CADM2: variants seen among roughly 807,000 people sequenced by gnomAD.
CADM2 encodes immunoglobulin superfamily member 4D.
A neutral mutation model predicts 49.8 loss-of-function variants in CADM2; 12 were observed. That is an observed-to-expected ratio of 0.24 (90% CI 0.15 to 0.39). The LOEUF is 0.39. Ranked by LOEUF, CADM2 falls within the 10% of genes least tolerant of loss-of-function variation. The probability of loss-of-function intolerance (pLI) is 1.00; values close to 1 mark genes in which losing one functional copy is unlikely to be tolerated. For synonymous variants in CADM2, 214 were observed against 175.4 expected, an observed-to-expected ratio of 1.22 and a Z score of -1.74; for missense variants, 378 against 492.3, an observed-to-expected ratio of 0.77 and a Z score of 2.20.
chr3:85,494,203 TC>T (rs2107652486), intron 1 of CADM2, among the ~76,000 whole-genome samples: 1 of 152,320 alleles, frequency 6.6e-6, no homozygotes, highest in East Asian at 1.9e-4. Flanking sequence ...AGCTGTGCTT[TC>T]TTTTACGTTT....
chr3:85,299,114 T>G (rs2044034015), intron 1 of CADM2, among the ~76,000 whole-genome samples: 1 of 152,114 alleles, frequency 6.6e-6, no homozygotes, highest in Admixed American at 6.6e-5. Context: ...CTATCTCTTT[T>G]GCTTTATTGT....
chr3:85,662,480 T>G (rs2065439621), intron 1 of CADM2, among the ~76,000 whole-genome samples: 1 of 151,920 alleles, frequency 6.6e-6, no homozygotes, highest in Non-Finnish European at 1.5e-5. Flanking sequence ...AATAGAAAAC[T>G]TCTCAAACCA....
At chr3:85,867,635 T>C (rs1344964006) in intron 3 of CADM2, among the ~76,000 whole-genome samples, 1 of 140,150 alleles carries the variant, frequency 7.1e-6, no homozygotes, top group Non-Finnish European at 1.5e-5. Context: ...AAATCAAGCA[T>C]AGTGAATGTT....
At chr3:86,028,550 C>T (rs1367392363) in intron 8 of CADM2, among the ~76,000 whole-genome samples, 1 of 152,174 alleles carries the variant, frequency 6.6e-6, no homozygotes, top group Non-Finnish European at 1.5e-5. Context: ...CTTTTACACT[C>T]CTCTCTTTTA....
At chr3:86,056,051 TTA>T (rs1737949499) in intron 8 of CADM2, among the ~76,000 whole-genome samples, 1 of 152,218 alleles carries the variant, frequency 6.6e-6, no homozygotes, top group South Asian at 2.1e-4. Context: ...ATCCAAAAAC[TTA>T]TTTTATTTTC....
intron 1 of CADM2, among the ~76,000 whole-genome samples, chr3:85,149,243 G>A (rs973745485): frequency 5.9e-5 from 9 of 152,012 alleles, no homozygotes; most frequent in Non-Finnish European, 8.8e-5. Context: ...TAAGAGGTGA[G>A]ACTTTTAAGA....
chr3:85,240,836 T>C (rs538383217), intron 1 of CADM2, among the ~76,000 whole-genome samples: 2 of 151,696 alleles, frequency 1.3e-5, no homozygotes, highest in East Asian at 1.9e-4. Context: ...TCTTTAACTT[T>C]TTAAATTTTT....
chr3:85,670,490 G>A (rs2065704302), intron 1 of CADM2, among the ~76,000 whole-genome samples: 1 of 152,030 alleles, frequency 6.6e-6, no homozygotes, highest in South Asian at 2.1e-4. Flanking sequence ...GCATGTCAGT[G>A]TCACATTCTT....
intron 2 of CADM2, among the ~76,000 whole-genome samples, chr3:85,764,313 A>G (rs1011446915): frequency 1.4e-4 from 22 of 152,248 alleles, no homozygotes; most frequent in African/African-American, 5.1e-4. Flanking sequence ...ATGTGACTGA[A>G]TTATTCTGGC....
chr3:85,869,436 T>G (rs907982584), intron 3 of CADM2, among the ~76,000 whole-genome samples: 1 of 152,158 alleles, frequency 6.6e-6, no homozygotes, highest in Non-Finnish European at 1.5e-5. Context: ...TCCCTTTTGT[T>G]TTACAATTAA....
At chr3:85,727,268 A>T (rs764731729) in intron 2 of CADM2, among the ~76,000 whole-genome samples, 3 of 151,978 alleles carry the variant, frequency 2.0e-5, no homozygotes, top group Non-Finnish European at 2.9e-5. Context: ...AGCAAAAGAA[A>T]TTTTTTTCTC....
At chr3:85,005,675 T>C (rs1005943740) in intron 1 of CADM2, among the ~76,000 whole-genome samples, 51 of 151,936 alleles carry the variant, frequency 3.4e-4, no homozygotes, top group Non-Finnish European at 7.4e-5. Context: ...AAGAAGCAGA[T>C]GGTTCTAAGA....
chr3:85,119,966 C>T (rs942072948), intron 1 of CADM2, among the ~76,000 whole-genome samples: 1 of 152,128 alleles, frequency 6.6e-6, no homozygotes, highest in Non-Finnish European at 1.5e-5. Flanking sequence ...CCAGAATCTA[C>T]AATGAACTTA....
chr3:85,440,116 C>T (rs2037130737), intron 1 of CADM2, among the ~76,000 whole-genome samples: 1 of 152,090 alleles, frequency 6.6e-6, no homozygotes, highest in Admixed American at 6.5e-5. Flanking sequence ...TTCAGATGAG[C>T]TCCCTCTAAA....
intron 2 of CADM2, among the ~76,000 whole-genome samples, chr3:85,784,213 C>G (rs1240208297): frequency 6.6e-6 from 1 of 152,170 alleles, no homozygotes; most frequent in African/African-American, 2.4e-5. Flanking sequence ...TAATTCTATT[C>G]AATGCCCTTA....
chr3:85,572,244 G>C (rs1351670944), intron 1 of CADM2, among the ~76,000 whole-genome samples: 1 of 151,998 alleles, frequency 6.6e-6, no homozygotes, highest in Non-Finnish European at 1.5e-5. Context: ...TTGCAATTGT[G>C]CCACTGCTTT....
intron 1 of CADM2, among the ~76,000 whole-genome samples, chr3:85,479,412 T>C (rs1398304858): frequency 6.8e-6 from 1 of 147,752 alleles, no homozygotes; most frequent in Non-Finnish European, 1.5e-5. Context: ...GTAATTGTAT[T>C]ACATAAAATC....
intron 1 of CADM2, among the ~76,000 whole-genome samples, chr3:85,294,615 G>C (rs1486154597): frequency 1.3e-5 from 2 of 151,888 alleles, no homozygotes; most frequent in Non-Finnish European, 2.9e-5. Context: ...GAACAGAACA[G>C]AGCCCTCAGA....
At chr3:85,246,151 A>G (rs1292512905) in intron 1 of CADM2, among the ~76,000 whole-genome samples, 1 of 152,162 alleles carries the variant, frequency 6.6e-6, no homozygotes, top group Non-Finnish European at 1.5e-5. Flanking sequence ...TTGTAGGTAC[A>G]TAGATGAAGC....
Sources: allele counts gnomAD v4.1 joint callset (sites outside exome capture counted in the v4.1 genomes callset), GRCh38; gene constraint gnomAD v4.1.1; transcripts MANE v1.5; gene names NCBI Gene and HGNC (gene_info 2026-07-23, HGNC 2026-07-21).